The following TGFBR3 variants were observed in gnomAD, a reference collection of about 807,000 sequenced individuals.
TGFBR3 encodes transforming growth factor beta receptor type 3.
In TGFBR3, 46 loss-of-function variants were observed where a neutral mutation model predicts 87.9. The observed-to-expected ratio is 0.52, with a 90% CI of 0.41 to 0.67. The LOEUF is 0.67. Among genes scored for constraint, TGFBR3 ranks in the 30% least tolerant of loss-of-function variants. The pLI, the probability that TGFBR3 is intolerant of heterozygous loss-of-function variation, is 0.00. For missense variants in TGFBR3, 866 were observed against 1,041.9 expected (o/e 0.83, Z 2.32); for synonymous variants, 381 against 391.6 (o/e 0.97, Z 0.32).
At chr1:91,872,004 T>C (rs1678596763) in intron 1 of TGFBR3, among the ~76,000 whole-genome samples, 1 of 152,198 alleles carries the variant, frequency 6.6e-6, no homozygotes, top group African/African-American at 2.4e-5. Context: ...TATTTTTAAC[T>C]ACTCACTGAT....
In TGFBR3 at chr1:91,701,327, G is replaced by A. The variant is rs374131351; in HGVS notation, c.2288-3197C>T. Among the ~76,000 whole-genome samples the A allele has an allele frequency of 1.1e-4, 17 of 152,030 alleles. No individual in the cohort carries two copies. The East Asian group carries it at 1.4e-3, about 12-fold the overall frequency. On this transcript the variant is annotated intron_variant, in intron 14 of 16. Coordinates refer to ENST00000212355, the MANE Select transcript of TGFBR3 (RefSeq NM_003243.5). ...TCTATCCTCGAACTTTTCTCTTCCCGAATCCCTAAGAACCCCTGAGTATAA... is the reference window on the plus strand; with the variant it reads ...TCTATCCTCGAACTTTTCTCTTCCCAAATCCCTAAGAACCCCTGAGTATAA...
intron 1 of TGFBR3, among the ~76,000 whole-genome samples, chr1:91,881,811 G>A (rs550574761): frequency 1.6e-4 from 25 of 152,122 alleles, no homozygotes; most frequent in Non-Finnish European, 2.8e-4. Context: ...AGGCCGAGGC[G>A]GGTGGATCAT....
chr1:91,721,875 A>T (rs1055582475), intron 8 of TGFBR3, 80 bp downstream of exon 8: 16 of 1,330,944 alleles, frequency 1.2e-5, no homozygotes, highest in Non-Finnish European at 1.6e-5. Flanking sequence ...AGCAACATAT[A>T]AGCTGAAATG....
chr1:91,785,324 G>A (rs774728933), intron 3 of TGFBR3, among the ~76,000 whole-genome samples: 3 of 152,170 alleles, frequency 2.0e-5, no homozygotes, highest in Non-Finnish European at 2.9e-5. Flanking sequence ...GCCGGGTCGT[G>A]GGGGGCACAC....
At chr1:91,803,983 C>T (rs1458519305) in intron 2 of TGFBR3, among the ~76,000 whole-genome samples, 7 of 152,222 alleles carry the variant, frequency 4.6e-5, no homozygotes, top group Admixed American at 3.3e-4. Flanking sequence ...CCCAACCACT[C>T]TGTCTGCTGC....
chr1:91,800,720 A>C (rs1265997359), intron 2 of TGFBR3, among the ~76,000 whole-genome samples: 1 of 151,920 alleles, frequency 6.6e-6, no homozygotes, highest in Non-Finnish European at 1.5e-5. Context: ...AAAAATCAGG[A>C]ATTATCTACC....
intron 3 of TGFBR3, among the ~76,000 whole-genome samples, chr1:91,783,726 A>G (rs1229770045): frequency 1.3e-5 from 2 of 152,242 alleles, no homozygotes; most frequent in East Asian, 1.9e-4. Flanking sequence ...AAACAAAGGA[A>G]AAAGCCATAT....
intron 4 of TGFBR3, among the ~76,000 whole-genome samples, chr1:91,750,209 C>T (rs77290205): frequency 0.012 from 1,884 of 152,308 alleles, 39 homozygotes; most frequent in African/African-American, 0.044. Context: ...AGGAAAAATA[C>T]ACCCAGGCAA....
At chr1:91,739,529 T>C (rs1257981226) in intron 4 of TGFBR3, among the ~76,000 whole-genome samples, 2 of 152,110 alleles carry the variant, frequency 1.3e-5, no homozygotes, top group East Asian at 3.9e-4. Context: ...CCCTGAGAGG[T>C]TGACCAAGAC....
At chr1:91,683,923 A>C in intron 16 of TGFBR3, 66 bp from the exon 17 acceptor site, 3 of 1,417,586 alleles carry the variant, frequency 2.1e-6, no homozygotes, top group Non-Finnish European at 2.9e-6. Context: ...ATTCCTGAAA[A>C]GATCATTTAT....
At chr1:91,791,289 A>G (rs1675183216) in intron 3 of TGFBR3, among the ~76,000 whole-genome samples, 2 of 152,212 alleles carry the variant, frequency 1.3e-5, no homozygotes, top group South Asian at 4.1e-4. Context: ...ATGTTTAACT[A>G]TGAAAACAGA....
At chr1:91,901,567 T>C (rs764332158) in intron 1 of TGFBR3, among the ~76,000 whole-genome samples, 2 of 152,138 alleles carry the variant, frequency 1.3e-5, no homozygotes, top group African/African-American at 4.8e-5. Context: ...TTATAACATG[T>C]TTAAAGACAT....
At chr1:91,741,026 G>C (rs1442724730) in intron 4 of TGFBR3, among the ~76,000 whole-genome samples, 2 of 152,162 alleles carry the variant, frequency 1.3e-5, no homozygotes, top group African/African-American at 2.4e-5. Flanking sequence ...TCGCATGTCT[G>C]GGTGTTTTTC....
chr1:91,798,646 C>A (rs1265029050), intron 2 of TGFBR3, among the ~76,000 whole-genome samples: 1 of 152,208 alleles, frequency 6.6e-6, no homozygotes, highest in Admixed American at 6.5e-5. Context: ...CACTGGTGTA[C>A]ACATCCATCT....
At chr1:91,796,802 G>A (rs1039682750) in intron 3 of TGFBR3, among the ~76,000 whole-genome samples, 4 of 152,010 alleles carry the variant, frequency 2.6e-5, no homozygotes, top group Non-Finnish European at 4.4e-5. Flanking sequence ...CTCCAGCCTC[G>A]ATTTCCCAGG....
In TGFBR3 at chr1:91,861,498, G is replaced by A; in HGVS notation, c.34C>T (p.Leu12=). The A allele has an allele frequency of 6.2e-7, 1 of 1,613,812 alleles. No individual in the cohort carries two copies. The highest frequency in any genetic ancestry group is 8.5e-7 in the Non-Finnish European group (1 of 1,179,754). ...TSHYVIAIFA[L]MSSCLATAGP... ...GCAGTGGCTAAACAGGAGCTCATCA[G>A]GGCAAAGATGGCAATCACATAATGG... The change falls in exon 2 of 17, where the codon CTG becomes TTG. Residue 12 remains leucine, a synonymous_variant. Coordinates refer to ENST00000212355, the MANE Select transcript of TGFBR3 (RefSeq NM_003243.5).
intron 1 of TGFBR3, among the ~76,000 whole-genome samples, chr1:91,880,032 G>A (rs1403913721): frequency 6.6e-6 from 1 of 152,178 alleles, no homozygotes; most frequent in Non-Finnish European, 1.5e-5. Flanking sequence ...CTCTGAAGAT[G>A]CAGAACCAGA....
At chr1:91,698,902 A>G (rs908501597) in intron 14 of TGFBR3, among the ~76,000 whole-genome samples, 2 of 151,908 alleles carry the variant, frequency 1.3e-5, no homozygotes, top group African/African-American at 4.8e-5. Flanking sequence ...ACTCCCCTTC[A>G]TTGCTCATCA....
intron 2 of TGFBR3, among the ~76,000 whole-genome samples, chr1:91,821,897 C>T (rs914255420): frequency 1.3e-5 from 2 of 152,102 alleles, no homozygotes; most frequent in Admixed American, 1.3e-4. Context: ...CTATTATTAA[C>T]CAGGTTAGTC....
Sources: gnomAD v4.1 joint callset for allele counts (sites outside exome capture counted in the v4.1 genomes callset) on GRCh38, gnomAD v4.1.1 for gene constraint, MANE v1.5 for transcripts, NCBI Gene and HGNC (gene_info 2026-07-23, HGNC 2026-07-21) for gene names.